The following ZBTB7C variants were observed in gnomAD, a reference collection of about 807,000 sequenced individuals.
The protein encoded by ZBTB7C is zinc finger and BTB domain-containing protein 7C.
A neutral mutation model predicts 25.7 loss-of-function variants in ZBTB7C; 8 were observed. The ratio of observed to expected loss-of-function variants is 0.31; its 90% confidence interval spans 0.18 to 0.56. The LOEUF (loss-of-function observed/expected upper bound fraction) is 0.56. ZBTB7C is among the 20% of genes least tolerant of loss of function. The probability of loss-of-function intolerance (pLI) is 0.91; values close to 1 mark genes in which losing one functional copy is unlikely to be tolerated. For missense variants in ZBTB7C, 824 were observed against 855.2 expected, an observed-to-expected ratio of 0.96 and a Z score of 0.46; for synonymous variants, 394 against 369.0, an observed-to-expected ratio of 1.07 and a Z score of -0.78.
At chr18:48,105,214 A>G (rs1308232349) in intron 3 of ZBTB7C, among the ~76,000 whole-genome samples, 5 of 152,314 alleles carry the variant, frequency 3.3e-5, no homozygotes, top group Non-Finnish European at 7.4e-5. Flanking sequence ...AATATGGGCA[A>G]CCTTGGTTCC....
chr18:48,054,351 C>G (rs2036826684), intron 3 of ZBTB7C, among the ~76,000 whole-genome samples: 1 of 152,160 alleles, frequency 6.6e-6, no homozygotes, highest in Non-Finnish European at 1.5e-5. Context: ...ACGGCCACTC[C>G]CCTGCCCTTC....
At chr18:48,214,828 T>C (rs2145263646) in intron 2 of ZBTB7C, among the ~76,000 whole-genome samples, 1 of 152,350 alleles carries the variant, frequency 6.6e-6, no homozygotes, top group East Asian at 1.9e-4. Context: ...GTTTATCCAC[T>C]CATCCATCAG....
intron 1 of ZBTB7C, among the ~76,000 whole-genome samples, chr18:48,384,796 C>T (rs538757379): frequency 6.6e-6 from 1 of 152,260 alleles, no homozygotes; most frequent in South Asian, 2.1e-4. Context: ...ATTCTCACGC[C>T]TCAGCCTCCC....
intron 1 of ZBTB7C, among the ~76,000 whole-genome samples, chr18:48,344,518 G>GA (rs1167324616): frequency 6.6e-6 from 1 of 151,662 alleles, no homozygotes; most frequent in African/African-American, 2.4e-5. Context: ...GGGAAAGGGG[G>GA]AAAAAAAGGG....
At chr18:48,096,527 G>C (rs531505408) in intron 3 of ZBTB7C, among the ~76,000 whole-genome samples, 1 of 152,272 alleles carries the variant, frequency 6.6e-6, no homozygotes, top group South Asian at 2.1e-4. Context: ...ACGTTTGACA[G>C]GGAGATGGCA....
At chr18:48,136,817 C>G (rs949453378) in intron 3 of ZBTB7C, among the ~76,000 whole-genome samples, 1 of 152,268 alleles carries the variant, frequency 6.6e-6, no homozygotes, top group African/African-American at 2.4e-5. Context: ...CGCCGCCACC[C>G]GCGCCAGCCA....
At chr18:48,066,263 G>T (rs2037325649) in intron 3 of ZBTB7C, among the ~76,000 whole-genome samples, 1 of 152,200 alleles carries the variant, frequency 6.6e-6, no homozygotes, top group Admixed American at 6.5e-5. Context: ...GCCTCAGCCA[G>T]ACTCTTTGGA....
At chr18:48,051,645 C>T (rs2144250018) in intron 3 of ZBTB7C, among the ~76,000 whole-genome samples, 1 of 152,156 alleles carries the variant, frequency 6.6e-6, no homozygotes, top group Non-Finnish European at 1.5e-5. Flanking sequence ...GAGGCCATTG[C>T]TTTTGCTAAT....
At chr18:48,135,583 A>G (rs2040126148) in intron 3 of ZBTB7C, among the ~76,000 whole-genome samples, 1 of 151,558 alleles carries the variant, frequency 6.6e-6, no homozygotes, top group South Asian at 2.1e-4. Context: ...TTAAGGGGGG[A>G]GGACCGGCAC....
chr18:48,124,217 C>T (rs187578194), intron 3 of ZBTB7C, among the ~76,000 whole-genome samples: 17 of 152,338 alleles, frequency 1.1e-4, no homozygotes, highest in Middle Eastern at 3.4e-3. Flanking sequence ...CCGAACAAAG[C>T]CCGCAGTCTG....
At chr18:48,319,624 TA>T (rs1340770228) in intron 2 of ZBTB7C, among the ~76,000 whole-genome samples, 2 of 152,126 alleles carry the variant, frequency 1.3e-5, no homozygotes, top group African/African-American at 4.8e-5. Context: ...TGAACAAGGC[TA>T]AAAGTAATGA....
intron 3 of ZBTB7C, among the ~76,000 whole-genome samples, chr18:48,092,152 G>C (rs1403863099): frequency 1.3e-5 from 2 of 152,208 alleles, no homozygotes; most frequent in African/African-American, 2.4e-5. Context: ...TCCAGACACA[G>C]AGCCCTGGCG....
intron 2 of ZBTB7C, among the ~76,000 whole-genome samples, chr18:48,260,753 A>T (rs943104182): frequency 4.6e-5 from 7 of 152,208 alleles, no homozygotes; most frequent in African/African-American, 1.7e-4. Flanking sequence ...AGTGAAGGCC[A>T]TGTTCGCCAT....
intron 3 of ZBTB7C, among the ~76,000 whole-genome samples, chr18:48,075,862 C>T (rs2144436219): frequency 6.6e-6 from 1 of 152,304 alleles, no homozygotes; most frequent in Admixed American, 6.5e-5. Flanking sequence ...TTGAAGATGC[C>T]CCATCCTCCC....
rs148373236 is a variant in ZBTB7C, at chr18:48,318,417, T to A, written c.-79+19757A>T. 2.1e-3 allele frequency among the ~76,000 whole-genome samples: 316 copies of A among 152,138 alleles called. 2 individuals are homozygous for A. Among genetic ancestry groups the A allele is most frequent in the Middle Eastern group, 6.8e-3 (2 of 294 alleles). On this transcript the variant is annotated intron_variant, in intron 2 of 4. Coordinates refer to ENST00000590800, the MANE Select transcript of ZBTB7C (RefSeq NM_001318841.2). ...GCTTCTGGCTTCCTGGAGAGGCCCC[T>A]TCTGCCTTCCCGGCTGGTCAGGGAG...
chr18:48,122,539 A>T (rs2039665477), intron 3 of ZBTB7C, among the ~76,000 whole-genome samples: 1 of 152,208 alleles, frequency 6.6e-6, no homozygotes, highest in Admixed American at 6.5e-5. Flanking sequence ...AGATGGTTGC[A>T]GCCAATTCTT....
At chr18:48,207,496 T>A (rs976561986) in intron 2 of ZBTB7C, among the ~76,000 whole-genome samples, 4 of 152,228 alleles carry the variant, frequency 2.6e-5, no homozygotes, top group African/African-American at 9.6e-5. Context: ...AATAAACTTC[T>A]GAATAGTCTA....
At chr18:48,251,271 AAAC>A (rs1244838746) in intron 2 of ZBTB7C, among the ~76,000 whole-genome samples, 4 of 152,216 alleles carry the variant, frequency 2.6e-5, no homozygotes, top group South Asian at 2.1e-4. Context: ...TGTTTGAACA[AAAC>A]AAACAAGTCT....
chr18:48,236,498 A>G (rs1302055190), intron 2 of ZBTB7C, among the ~76,000 whole-genome samples: 1 of 152,238 alleles, frequency 6.6e-6, no homozygotes, highest in African/African-American at 2.4e-5. Context: ...GCCTTAGGGA[A>G]GAGAAGTTCA....
Sources: allele counts gnomAD v4.1 joint callset (sites outside exome capture counted in the v4.1 genomes callset), GRCh38; gene constraint gnomAD v4.1.1; transcripts MANE v1.5; gene names NCBI Gene and HGNC (gene_info 2026-07-23, HGNC 2026-07-21).